The following GTF2IRD1 variants were observed in gnomAD, a reference collection of about 807,000 sequenced individuals.
The protein encoded by GTF2IRD1 is GTF2I repeat domain containing 1, also known as general transcription factor II-I repeat domain-containing protein 1.
Under a neutral mutation model 113.2 loss-of-function variants are expected in GTF2IRD1, and 26 were observed. The ratio of observed to expected loss-of-function variants is 0.23; its 90% confidence interval spans 0.17 to 0.32. The LOEUF is 0.32. Among genes scored for constraint, GTF2IRD1 ranks in the 10% least tolerant of loss-of-function variants. The pLI is 1.00. For synonymous variants in GTF2IRD1, 484 were observed against 529.1 expected (o/e 0.91, Z 1.17); for missense variants, 864 against 1,280.8 (o/e 0.67, Z 4.97).
chr7:74,540,917 A>G (rs1334850882), intron 14 of GTF2IRD1, among the ~76,000 whole-genome samples: 3 of 151,780 alleles, frequency 2.0e-5, no homozygotes, highest in Non-Finnish European at 4.4e-5. Context: ...GCCCGCCACC[A>G]CGCCTGGTTA....
intron 7 of GTF2IRD1, among the ~76,000 whole-genome samples, chr7:74,523,841 C>T (rs1308658106): frequency 1.3e-5 from 2 of 152,186 alleles, no homozygotes; most frequent in African/African-American, 4.8e-5. Context: ...GTTCTGACAC[C>T]ACACCCGTGG....
intron 1 of GTF2IRD1, among the ~76,000 whole-genome samples, chr7:74,484,376 G>A (rs1378037164): frequency 6.6e-6 from 1 of 151,848 alleles, no homozygotes; most frequent in African/African-American, 2.4e-5. Context: ...CTACCTCCCA[G>A]GCTCAAGTGA....
At chr7:74,537,916 G>A (rs782804162) in intron 11 of GTF2IRD1, among the ~76,000 whole-genome samples, 4 of 152,334 alleles carry the variant, frequency 2.6e-5, no homozygotes, top group Middle Eastern at 6.8e-3. Flanking sequence ...TGCCTGGCTC[G>A]GCCACCCCTG....
In GTF2IRD1 at chr7:74,535,591, G is replaced by A. The variant is rs151286478; in HGVS notation, c.1300+453G>A. Among the ~76,000 whole-genome samples the A allele has an allele frequency of 8.5e-5, 13 of 152,336 alleles. No individual in the cohort carries two copies. In the East Asian group the frequency reaches 1.9e-3, roughly 23 times the overall value. On this transcript the variant is annotated intron_variant, in intron 10 of 26. Coordinates refer to ENST00000424337, the MANE Select transcript of GTF2IRD1 (RefSeq NM_005685.4). ...GACTCCAGAGCCCATGCAGTGGCCCGTGGGCCAGCACACCTGTCCCAGGAG... is the reference window on the plus strand; with the variant it reads ...GACTCCAGAGCCCATGCAGTGGCCCATGGGCCAGCACACCTGTCCCAGGAG...
chr7:74,542,694 G>C (rs1193284858), intron 14 of GTF2IRD1, among the ~76,000 whole-genome samples: 2 of 152,364 alleles, frequency 1.3e-5, no homozygotes, highest in African/African-American at 4.8e-5. Flanking sequence ...TATCCAGAGA[G>C]TTTGGTTGAC....
intron 21 of GTF2IRD1, 102 bp from the exon 22 acceptor site, chr7:74,559,525 C>T: frequency 1.0e-6 from 1 of 961,736 alleles, no homozygotes; most frequent in Non-Finnish European, 1.6e-6. Flanking sequence ...TGCTGTAGGT[C>T]TGGGGTGCTC....
At chr7:74,471,695 A>C (rs1320103666) in intron 1 of GTF2IRD1, among the ~76,000 whole-genome samples, 10 of 88,694 alleles carry the variant, frequency 1.1e-4, no homozygotes, top group African/African-American at 2.8e-4. Flanking sequence ...AAAAACAAAA[A>C]AAAAAACAAA....
intron 1 of GTF2IRD1, among the ~76,000 whole-genome samples, chr7:74,458,691 G>C (rs1554328149): frequency 7.1e-6 from 1 of 140,844 alleles, no homozygotes; most frequent in Non-Finnish European, 1.5e-5. Context: ...GTCTTGCTTT[G>C]TTGCCCACGC....
chr7:74,488,426 A>T (rs1282296520), intron 1 of GTF2IRD1, among the ~76,000 whole-genome samples: 3 of 152,238 alleles, frequency 2.0e-5, no homozygotes, highest in African/African-American at 7.2e-5. Context: ...TACAACTGGT[A>T]AAGACTGACT....
intron 7 of GTF2IRD1, 138 bp from the exon 8 acceptor site, chr7:74,523,933 G>A (rs587662082): frequency 7.5e-6 from 5 of 663,854 alleles, no homozygotes; most frequent in Admixed American, 4.4e-5. Flanking sequence ...ATGGTCCGAG[G>A]TGGGAGAGGG....
intron 1 of GTF2IRD1, among the ~76,000 whole-genome samples, chr7:74,480,002 C>T (rs1794645525): frequency 6.6e-6 from 1 of 152,088 alleles, no homozygotes; most frequent in African/African-American, 2.4e-5. Flanking sequence ...CCGCCTCGGC[C>T]TCCCTAAGTG....
chr7:74,576,297 A>G (rs1801059410), intron 22 of GTF2IRD1, among the ~76,000 whole-genome samples: 1 of 152,046 alleles, frequency 6.6e-6, no homozygotes, highest in African/African-American at 2.4e-5. Context: ...GCAGTGGCTC[A>G]CGACTGTAAT....
intron 6 of GTF2IRD1, 47 bp from the exon 7 acceptor site, chr7:74,521,161 C>T (rs781837476): frequency 8.9e-7 from 1 of 1,127,048 alleles, no homozygotes; most frequent in Middle Eastern, 2.0e-4. Context: ...TCTGGGGAAC[C>T]CTCTTGGGTC....
rs587665009 is a variant in GTF2IRD1 at position 74,520,877 on chromosome 7, A to G, written c.917-331A>G. Reference sequence around the variant, plus strand: ...TATTATTATTATTATTATTATTATTATTATTATTATAAGGGGGAAAAAAGC... The same window carrying G: ...TATTATTATTATTATTATTATTATTGTTATTATTATAAGGGGGAAAAAAGC... On this transcript the variant is annotated intron_variant, in intron 6 of 26. Transcript: ENST00000424337. Among the ~76,000 whole-genome samples the G allele has an allele frequency of 6.9e-5, 10 of 144,524 alleles. No homozygotes were observed. The East Asian group carries it at 2.0e-3, about 29-fold the overall frequency. 94.8% of individuals were successfully genotyped at this position (144,524 alleles called of 152,430 possible). A position where few individuals can be genotyped will look rare whatever the true frequency, so the allele number is the denominator to read the frequency against.
chr7:74,566,200 A>G (rs1313545061), intron 22 of GTF2IRD1, among the ~76,000 whole-genome samples: 2 of 152,142 alleles, frequency 1.3e-5, no homozygotes, highest in African/African-American at 4.8e-5. Flanking sequence ...ATAAATTTAC[A>G]CATTTAACCT....
intron 24 of GTF2IRD1, among the ~76,000 whole-genome samples, chr7:74,592,565 G>T (rs1277511837): frequency 6.1e-5 from 9 of 148,474 alleles, no homozygotes; most frequent in African/African-American, 2.0e-4. Context: ...ATGGAGTTTT[G>T]CTCTTGTTAC....
chr7:74,601,673 T>C (rs1180196877), intron 26 of GTF2IRD1: 7 of 275,850 alleles, frequency 2.5e-5, no homozygotes, highest in Non-Finnish European at 4.8e-5. Context: ...TCCCAGCTAC[T>C]TGGAAGGCTG....
intron 14 of GTF2IRD1, among the ~76,000 whole-genome samples, chr7:74,542,311 A>G (rs587634707): frequency 7.3e-4 from 111 of 151,540 alleles, no homozygotes; most frequent in African/African-American, 2.6e-3. Flanking sequence ...AGGCAGGAAA[A>G]CCGCTTGAAC....
chr7:74,455,314 G>A lies in GTF2IRD1; in HGVS notation c.-7+1138G>A, dbSNP rs1554326926. Among the ~76,000 whole-genome samples, 3 of 152,340 alleles carry A rather than the reference G, an allele frequency of 2.0e-5. No homozygotes were observed. The East Asian group carries it at 5.8e-4, about 29-fold the overall frequency. On this transcript the variant is annotated intron_variant, in intron 1 of 26. Transcript: ENST00000424337. Reference sequence around the variant, plus strand: ...AGGCCCCCGCAGTTTTTGGAGAAGTGGGCATTTGCTGGGGTTTCTCTTAGA... The same window carrying A: ...AGGCCCCCGCAGTTTTTGGAGAAGTAGGCATTTGCTGGGGTTTCTCTTAGA...
Sources: allele counts gnomAD v4.1 joint callset (sites outside exome capture counted in the v4.1 genomes callset), GRCh38; gene constraint gnomAD v4.1.1; transcripts MANE v1.5; gene names NCBI Gene and HGNC (gene_info 2026-07-23, HGNC 2026-07-21).